Variants in DTWD2 observed in about 807,000 individuals in gnomAD.
DTWD2 encodes the protein DTW motif tRNA-uridine aminocarboxypropyltransferase 2, also known as tRNA-uridine aminocarboxypropyltransferase 2.
Under a neutral mutation model 31.8 loss-of-function variants are expected in DTWD2, and 39 were observed. The observed-to-expected ratio is 1.22, with a 90% confidence interval of 0.95 to 1.60. DTWD2 has a LOEUF of 1.60. DTWD2 is among the 40% of genes most tolerant of loss of function. The probability of loss-of-function intolerance (pLI) is 0.00; values close to 1 mark genes in which losing one functional copy is unlikely to be tolerated. For missense variants in DTWD2, 515 were observed against 381.5 expected (o/e 1.35, Z -2.92); for synonymous variants, 180 against 142.8 (o/e 1.26, Z -1.86).
At chr5:118,982,386 C>T (rs80055103) in intron 1 of DTWD2, among the ~76,000 whole-genome samples, 1,817 of 152,166 alleles carry the variant, frequency 0.012, 32 homozygotes, top group African/African-American at 0.042. Context: ...TCTTTGAAGA[C>T]TTAATTAAGG....
At chr5:118,906,502 A>G (rs904747444) in intron 4 of DTWD2, among the ~76,000 whole-genome samples, 3 of 152,228 alleles carry the variant, frequency 2.0e-5, no homozygotes, top group Non-Finnish European at 4.4e-5. Context: ...AAACAATGGA[A>G]TACCATTAAG....
intron 4 of DTWD2, among the ~76,000 whole-genome samples, chr5:118,878,583 G>A (rs373795110): frequency 1.3e-5 from 2 of 152,224 alleles, no homozygotes; most frequent in East Asian, 3.9e-4. Context: ...TCAGGACACA[G>A]GCACAGGCAG....
At chr5:118,950,464 A>C (rs1754438448) in intron 1 of DTWD2, among the ~76,000 whole-genome samples, 1 of 152,172 alleles carries the variant, frequency 6.6e-6, no homozygotes, top group South Asian at 2.1e-4. Context: ...GCAATCAGGC[A>C]GTGTCAGTCT....
At chr5:118,869,089 T>G (rs1055317569) in intron 4 of DTWD2, among the ~76,000 whole-genome samples, 1 of 152,126 alleles carries the variant, frequency 6.6e-6, no homozygotes, top group Non-Finnish European at 1.5e-5. Context: ...ACAGTTAGTT[T>G]TGCAAGAGAA....
At chr5:118,931,116 C>G (rs1192832148) in intron 3 of DTWD2, among the ~76,000 whole-genome samples, 1 of 151,882 alleles carries the variant, frequency 6.6e-6, no homozygotes, top group East Asian at 1.9e-4. Flanking sequence ...AATTCCAGGC[C>G]AGGCAGTGGC....
At chr5:118,953,692 C>T (rs945555819) in intron 1 of DTWD2, among the ~76,000 whole-genome samples, 4 of 152,172 alleles carry the variant, frequency 2.6e-5, no homozygotes, top group Non-Finnish European at 5.9e-5. Flanking sequence ...ATTAGGCTAC[C>T]TTATCTGCCT....
intron 1 of DTWD2, among the ~76,000 whole-genome samples, chr5:118,963,463 G>A (rs1754751923): frequency 6.6e-6 from 1 of 152,124 alleles, no homozygotes; most frequent in South Asian, 2.1e-4. Flanking sequence ...AGAGATGAGT[G>A]GACAGGCTGA....
At chr5:118,945,307 A>G (rs1483883822) in intron 1 of DTWD2, among the ~76,000 whole-genome samples, 1 of 152,152 alleles carries the variant, frequency 6.6e-6, no homozygotes, top group Non-Finnish European at 1.5e-5. Flanking sequence ...ATAAAGTTCA[A>G]TTAGAATTAA....
At chr5:118,987,325 T>C (rs1413936541) in intron 1 of DTWD2, among the ~76,000 whole-genome samples, 1 of 152,162 alleles carries the variant, frequency 6.6e-6, no homozygotes, top group Admixed American at 6.5e-5. Context: ...TATAAAAACA[T>C]TCTACATTCA....
chr5:118,882,044 A>G (rs888829234), intron 4 of DTWD2, among the ~76,000 whole-genome samples: 41 of 152,354 alleles, frequency 2.7e-4, no homozygotes, highest in African/African-American at 9.9e-4. Flanking sequence ...ATCTGAGACA[A>G]GTACCTTCCG....
intron 2 of DTWD2, among the ~76,000 whole-genome samples, chr5:118,943,978 T>C (rs573546543): frequency 9.8e-5 from 15 of 152,332 alleles, no homozygotes; most frequent in Admixed American, 7.8e-4. Flanking sequence ...TAATTATAAC[T>C]TCCTCCCCTC....
intron 4 of DTWD2, among the ~76,000 whole-genome samples, chr5:118,887,457 A>G (rs1752891937): frequency 1.3e-5 from 2 of 152,200 alleles, no homozygotes; most frequent in Non-Finnish European, 2.9e-5. Context: ...CTACACTATT[A>G]CAATAAATAC....
intron 3 of DTWD2, among the ~76,000 whole-genome samples, chr5:118,938,452 G>A (rs761944414): frequency 6.6e-6 from 1 of 152,068 alleles, no homozygotes; most frequent in African/African-American, 2.4e-5. Flanking sequence ...ATCATTCCCC[G>A]ATGATTTCAT....
At chr5:118,899,571 A>G (rs1248303980) in intron 4 of DTWD2, among the ~76,000 whole-genome samples, 1 of 152,078 alleles carries the variant, frequency 6.6e-6, no homozygotes, top group Non-Finnish European at 1.5e-5. Context: ...CCCAAATCAT[A>G]ACTGTACAGC....
intron 4 of DTWD2, among the ~76,000 whole-genome samples, chr5:118,903,749 T>TA (rs908576050): frequency 6.6e-5 from 10 of 151,018 alleles, no homozygotes; most frequent in South Asian, 4.2e-4. Flanking sequence ...CCTGGAAATG[T>TA]AAAAAAAAAG....
chr5:118,875,567 A>G (rs866386443), intron 4 of DTWD2, among the ~76,000 whole-genome samples: 3 of 149,842 alleles, frequency 2.0e-5, no homozygotes, highest in South Asian at 4.2e-4. Context: ...GTTTCTGAAA[A>G]AAAAAAAAAA....
At chr5:118,880,101 G>GT (rs1031770461) in intron 4 of DTWD2, among the ~76,000 whole-genome samples, 2 of 152,168 alleles carry the variant, frequency 1.3e-5, no homozygotes, top group African/African-American at 4.8e-5. Flanking sequence ...TTAAAAGAGA[G>GT]TTTTAAAGTT....
intron 4 of DTWD2, among the ~76,000 whole-genome samples, chr5:118,886,137 T>C (rs528490783): frequency 2.0e-5 from 3 of 152,382 alleles, no homozygotes; most frequent in African/African-American, 7.2e-5. Context: ...GAATTATTAA[T>C]TAACATACTG....
chr5:118,871,884 C>CA (rs1752513718), intron 4 of DTWD2, among the ~76,000 whole-genome samples: 3 of 152,158 alleles, frequency 2.0e-5, no homozygotes, highest in Admixed American at 2.0e-4. Context: ...CTCTTGCTAT[C>CA]AAAGTCCTTC....
Sources: gnomAD v4.1 joint callset for allele counts (sites outside exome capture counted in the v4.1 genomes callset) on GRCh38, gnomAD v4.1.1 for gene constraint, MANE v1.5 for transcripts, NCBI Gene and HGNC (gene_info 2026-07-23, HGNC 2026-07-21) for gene names.